The following RBMS3 variants were observed in gnomAD, a reference collection of about 807,000 sequenced individuals.
RBMS3 encodes RNA binding motif single stranded interacting protein 3.
A neutral mutation model predicts 66.8 loss-of-function variants in RBMS3; 27 were observed. That is an observed-to-expected ratio of 0.40 (90% confidence interval 0.30 to 0.56). The LOEUF is 0.56. Ranked by LOEUF, RBMS3 falls within the 20% of genes least tolerant of loss-of-function variation. The pLI is 0.40. For synonymous variants in RBMS3, 188 were observed against 183.0 expected (o/e 1.03, Z -0.22); for missense variants, 513 against 549.5 (o/e 0.93, Z 0.66).
chr3:29,487,008 C>A (rs1263776863), intron 2 of RBMS3, among the ~76,000 whole-genome samples: 1 of 152,024 alleles, frequency 6.6e-6, no homozygotes, highest in East Asian at 1.9e-4. Flanking sequence ...ATTTTCTTCT[C>A]TTATCCCTTA....
At chr3:29,705,708 A>G (rs1056399343) in intron 4 of RBMS3, among the ~76,000 whole-genome samples, 2 of 152,156 alleles carry the variant, frequency 1.3e-5, no homozygotes, top group South Asian at 4.1e-4. Flanking sequence ...CAATTCACGG[A>G]GAAGCATTAT....
At chr3:29,509,097 G>A (rs1280712229) in intron 3 of RBMS3, among the ~76,000 whole-genome samples, 1 of 150,908 alleles carries the variant, frequency 6.6e-6, no homozygotes, top group Non-Finnish European at 1.5e-5. Context: ...CTAGATATTA[G>A]CCTTTTGTCA....
At chr3:29,379,954 CTT>C (rs1296571799) in intron 1 of RBMS3, among the ~76,000 whole-genome samples, 1 of 152,050 alleles carries the variant, frequency 6.6e-6, no homozygotes, top group Non-Finnish European at 1.5e-5. Flanking sequence ...GAAGGACACT[CTT>C]AAAAAATGGC....
intron 1 of RBMS3, among the ~76,000 whole-genome samples, chr3:29,377,360 T>C: frequency 6.6e-6 from 1 of 152,176 alleles, no homozygotes; most frequent in East Asian, 1.9e-4. Flanking sequence ...GGCCTGCATG[T>C]TGGGATGTTT....
At chr3:29,676,240 AC>A (rs2051244420) in intron 4 of RBMS3, among the ~76,000 whole-genome samples, 1 of 152,152 alleles carries the variant, frequency 6.6e-6, no homozygotes, top group Non-Finnish European at 1.5e-5. Flanking sequence ...ACACTTGGAC[AC>A]AGGGTGGGGA....
chr3:29,569,213 C>G (rs1006706731), intron 3 of RBMS3, among the ~76,000 whole-genome samples: 1 of 152,126 alleles, frequency 6.6e-6, no homozygotes, highest in African/African-American at 2.4e-5. Context: ...ACATCCTAAA[C>G]TAAACAGTTC....
chr3:29,656,154 A>C (rs1316995867), intron 4 of RBMS3, among the ~76,000 whole-genome samples: 3 of 152,152 alleles, frequency 2.0e-5, no homozygotes, highest in Non-Finnish European at 4.4e-5. Flanking sequence ...AGAAAATTTT[A>C]AGATAAATGA....
At chr3:29,806,885 G>GC (rs1463389148) in intron 6 of RBMS3, among the ~76,000 whole-genome samples, 2 of 151,902 alleles carry the variant, frequency 1.3e-5, no homozygotes, top group Non-Finnish European at 3.0e-5. Context: ...ATTTGCAGTT[G>GC]CTTTTTCAAA....
At chr3:29,849,170 A>ATGTGTGTG (rs10571760) in intron 6 of RBMS3, among the ~76,000 whole-genome samples, 3,426 of 141,718 alleles carry the variant, frequency 0.024, 89 homozygotes, top group East Asian at 0.065. Context: ...CACCAAAGGA[A>ATGTGTGTG]TGTGTGTGTG....
chr3:29,633,057 TG>T (rs1559524460), intron 4 of RBMS3, among the ~76,000 whole-genome samples: 1 of 151,938 alleles, frequency 6.6e-6, no homozygotes, highest in African/African-American at 2.4e-5. Flanking sequence ...TCTAGGTTTT[TG>T]CTGTGCTTAT....
intron 4 of RBMS3, chr3:29,642,549 C>T (rs2049757661): frequency 6.6e-6 from 1 of 152,070 alleles, no homozygotes; most frequent in Non-Finnish European, 1.5e-5. Context: ...TGCCAGAGGC[C>T]AGGCTATAAC....
chr3:29,329,927 A>G (rs1315073000), intron 1 of RBMS3, among the ~76,000 whole-genome samples: 2 of 148,286 alleles, frequency 1.3e-5, no homozygotes, highest in Non-Finnish European at 3.0e-5. Context: ...TAGAATTAAT[A>G]TATATATTAA....
chr3:29,766,968 T>A (rs536393943), intron 6 of RBMS3: 1 of 152,106 alleles, frequency 6.6e-6, no homozygotes, highest in African/African-American at 2.4e-5. Context: ...ATGTCCTACA[T>A]ATCGATCTTG....
chr3:29,964,882 C>T (rs1407899929), intron 12 of RBMS3, among the ~76,000 whole-genome samples: 3 of 152,106 alleles, frequency 2.0e-5, no homozygotes, highest in Non-Finnish European at 4.4e-5. Context: ...TCCCACTCTT[C>T]CCCCTTTGTC....
chr3:29,980,142 T>C (rs1003416321), intron 12 of RBMS3, among the ~76,000 whole-genome samples: 25 of 152,342 alleles, frequency 1.6e-4, no homozygotes, highest in African/African-American at 6.0e-4. Context: ...TGGTGTGAGA[T>C]GGTATGTCAC....
Position 29,727,517 on chromosome 3 carries a change from A to T in RBMS3, c.400-12203A>T, listed in dbSNP as rs190584379. ...TGTACAAGGAACTTAAATTTACAAGAAAAAAACAACCCTATCAAAAAGTAG... is the reference window on the plus strand; with the variant it reads ...TGTACAAGGAACTTAAATTTACAAGTAAAAAACAACCCTATCAAAAAGTAG... On this transcript the variant is annotated intron_variant, in intron 4 of 14. Coordinates refer to ENST00000383767, the MANE Select transcript of RBMS3 (RefSeq NM_001003793.3). 2.0e-5 allele frequency among the ~76,000 whole-genome samples: 3 copies of T among 152,276 alleles called. No homozygotes were observed. The East Asian group carries it at 5.8e-4, about 29-fold the overall frequency.
intron 5 of RBMS3, among the ~76,000 whole-genome samples, chr3:29,750,059 A>G (rs7645128): frequency 0.46 from 70,456 of 151,920 alleles, 17,537 homozygotes; most frequent in African/African-American, 0.64. Flanking sequence ...AATATAAAAG[A>G]GTCAGTAATG....
At chr3:29,333,095 T>C (rs1262556422) in intron 1 of RBMS3, among the ~76,000 whole-genome samples, 3 of 152,170 alleles carry the variant, frequency 2.0e-5, no homozygotes, top group Non-Finnish European at 4.4e-5. Context: ...TTCATTAGGA[T>C]TCCTCTTAAA....
chr3:29,693,497 G>A (rs1027942050), intron 4 of RBMS3, among the ~76,000 whole-genome samples: 1 of 152,082 alleles, frequency 6.6e-6, no homozygotes, highest in Non-Finnish European at 1.5e-5. Context: ...TTTCTATTGA[G>A]CTAAAATTTA....
Sources: allele counts gnomAD v4.1 joint callset (sites outside exome capture counted in the v4.1 genomes callset), GRCh38; gene constraint gnomAD v4.1.1; transcripts MANE v1.5; gene names NCBI Gene and HGNC (gene_info 2026-07-23, HGNC 2026-07-21).